GAS6: variants seen among roughly 807,000 people sequenced by gnomAD.
The protein encoded by GAS6 is growth arrest specific 6.
GAS6 carries 41 observed loss-of-function variants against 75.8 expected under a neutral mutation model. The ratio of observed to expected loss-of-function variants is 0.54; its 90% CI spans 0.42 to 0.70. The LOEUF (loss-of-function observed/expected upper bound fraction) is 0.70, where lower values mean the gene tolerates loss of function less well. Ranked by LOEUF, GAS6 falls within the 30% of genes least tolerant of loss-of-function variation. GAS6 has a pLI of 0.00. For synonymous variants in GAS6, 432 were observed against 412.6 expected, an observed-to-expected ratio of 1.05 and a Z score of -0.57; for missense variants, 854 against 940.2, an observed-to-expected ratio of 0.91 and a Z score of 1.20.
In GAS6 at chr13:113,822,106, G is replaced by A. The variant is rs34975371; in HGVS notation, c.1734C>T (p.Thr578=). 70,463 of 1,600,230 alleles carry A rather than the reference G, an allele frequency of 0.044. 1,928 individuals carry two copies. The highest frequency in any genetic ancestry group is 0.047 in the Non-Finnish European group (54,997 of 1,175,080). Residue 578 remains threonine, a synonymous_variant, in exon 14 of 15, where the codon ACC becomes ACT. Coordinates refer to ENST00000327773, the MANE Select transcript of GAS6 (RefSeq NM_000820.4). ...KVCDGQEHVV[T]VSLRDGEATL... ...TGGCCTCACCGTCCCTCAGCGAGAC[G>A]GTGACCACGTGCTCTTGGCCGTCGC...
In GAS6 at chr13:113,820,763, A is replaced by G. The variant is rs1023200133; in HGVS notation, c.*101T>C. ...TTACAGGCCGGGATGGTCACAGAGGAAAGCCCAGCTCTCAGCATGGCCCCA... is the reference window on the plus strand; with the variant it reads ...TTACAGGCCGGGATGGTCACAGAGGGAAGCCCAGCTCTCAGCATGGCCCCA... On this transcript the variant is annotated 3_prime_UTR_variant, in exon 15 of 15. Transcript: ENST00000327773. The G allele has an allele frequency of 2.3e-6, 3 of 1,318,548 alleles. No homozygotes were observed. Among genetic ancestry groups the G allele is most frequent in the East Asian group, 5.1e-5 (2 of 39,588 alleles). 81.7% of individuals were successfully genotyped at this position (1,318,548 alleles called of 1,614,324 possible).
chr13:113,847,812 C>T, intron 3 of GAS6: 1 of 602,566 alleles, frequency 1.7e-6, no homozygotes, highest in Non-Finnish European at 3.0e-6. Context: ...CAGCATTCAC[C>T]TGAGGTTCCA....
chr13:113,838,420 C>T (rs1024983254), intron 5 of GAS6, among the ~76,000 whole-genome samples: 3 of 145,702 alleles, frequency 2.1e-5, no homozygotes, highest in South Asian at 2.2e-4. Context: ...GAAGGGACCC[C>T]GGGGGTGCAC....
At chr13:113,852,705 C>T (rs1361919330) in intron 2 of GAS6, among the ~76,000 whole-genome samples, 1 of 152,206 alleles carries the variant, frequency 6.6e-6, no homozygotes, top group Non-Finnish European at 1.5e-5. Context: ...AGGTCTCCCC[C>T]GCTCAAAGCC....
chr13:113,846,370 TA>T (rs1400046300), intron 4 of GAS6, among the ~76,000 whole-genome samples, 156 bp downstream of exon 4: 1 of 152,212 alleles, frequency 6.6e-6, no homozygotes, highest in East Asian at 1.9e-4. Context: ...TTTACTTGTT[TA>T]AAAAAGAAAG....
chr13:113,822,431 C>A (rs2051473486), intron 13 of GAS6: 2 of 423,264 alleles, frequency 4.7e-6, no homozygotes, highest in African/African-American at 2.0e-5. Context: ...ACAAGTGTGG[C>A]CCCCAGGTTG....
At chr13:113,826,204 G>T (rs1237813705) in intron 12 of GAS6, among the ~76,000 whole-genome samples, 2 of 152,198 alleles carry the variant, frequency 1.3e-5, no homozygotes, top group Non-Finnish European at 2.9e-5. Flanking sequence ...TAGGTTCACT[G>T]TCCCCCAGGC....
At position 113,863,543 on chromosome 13, in the gene GAS6, G is replaced by T; in HGVS notation, c.255+32C>A. Reference sequence around the variant, plus strand: ...GGTTGGAGGCGCGCGGGCGCCAGGGGTTCCCCCGCATCCCGCCCGCCGGCT... The same window carrying T: ...GGTTGGAGGCGCGCGGGCGCCAGGGTTTCCCCCGCATCCCGCCCGCCGGCT... On this transcript the variant is annotated intron_variant, in intron 2 of 14. Transcript: ENST00000327773. The surrounding 1 kb of genome is among the most constrained non-coding windows in gnomAD (Gnocchi z 9.4). 2 of 1,492,862 alleles carry T rather than the reference G, an allele frequency of 1.3e-6. No individual in the cohort carries two copies. The highest frequency in any genetic ancestry group is 1.8e-6 in the Non-Finnish European group (2 of 1,126,946). 92.5% of individuals were successfully genotyped at this position (1,492,862 alleles called of 1,614,324 possible).
At chr13:113,859,232 CTGTG>C in intron 2 of GAS6, among the ~76,000 whole-genome samples, 1 of 145,994 alleles carries the variant, frequency 6.8e-6, no homozygotes, top group African/African-American at 2.6e-5. Context: ...GTGTACATGT[CTGTG>C]TGTGCCTATG....
chr13:113,838,534 G>A (rs1156986998), intron 5 of GAS6, among the ~76,000 whole-genome samples: 4 of 134,382 alleles, frequency 3.0e-5, no homozygotes, highest in Admixed American at 7.3e-5. Flanking sequence ...GAGCAGGGAG[G>A]GAGCCCGGGG....
rs368447635 is a variant in GAS6 at position 113,823,437 on chromosome 13, G to A, written c.1591C>T (p.Arg531Cys). Reference sequence around the variant, plus strand: ...AGTGCCACAGAGAGAGGCACGGCACGGAGGTCGGGGGCCCAGAGCGCAAAC... The same window carrying A: ...AGTGCCACAGAGAGAGGCACGGCACAGAGGTCGGGGGCCCAGAGCGCAAAC... ...VLFALWAPDL[R>C]AVPLSVALVD... Residue 531 changes from arginine to cysteine, a missense_variant, in exon 13 of 15, where the codon CGT (arginine) becomes TGT (cysteine). By Grantham distance (180) the Arg-to-Cys change is radical. Transcript: ENST00000327773. The A allele has an allele frequency of 4.8e-5, 78 of 1,612,672 alleles. No homozygotes were observed. Among genetic ancestry groups the A allele is most frequent in the South Asian group, 1.1e-4 (10 of 91,084 alleles).
At chr13:113,847,513 G>A (rs2051843601) in intron 3 of GAS6, among the ~76,000 whole-genome samples, 1 of 152,214 alleles carries the variant, frequency 6.6e-6, no homozygotes, top group Non-Finnish European at 1.5e-5. Context: ...TGTACAGTGG[G>A]GGTCTCCAGA....
Position 113,820,980 on chromosome 13 carries a change from G to T in GAS6, c.1921C>A (p.Arg641Ser). The T allele has an allele frequency of 6.2e-7, 1 of 1,612,692 alleles. No homozygotes were observed. The highest frequency in any genetic ancestry group is 8.5e-7 in the Non-Finnish European group (1 of 1,179,888). ...TTGACCTCCAGTGTCATGCAGCCGC[G>T]GTAGAACGCGGTGACTGGCGCTGAA... ...VTSAPVTAFY[R>S]GCMTLEVNRR... is the part of the protein sequence containing the mutation. The change falls in exon 15 of 15, where the codon CGC (arginine) becomes AGC (serine). Residue 641 changes from arginine (R) to serine (S), a missense_variant. Arg to Ser is a moderately radical substitution (Grantham distance 110, BLOSUM62 -1). Transcript: ENST00000327773.
chr13:113,825,011 G>A (rs944642528), intron 12 of GAS6, among the ~76,000 whole-genome samples: 4 of 152,040 alleles, frequency 2.6e-5, no homozygotes, highest in African/African-American at 9.7e-5. Flanking sequence ...CTAAGGTCGG[G>A]AGTTCGAGAC....
chr13:113,857,166 C>G (rs12583124), intron 2 of GAS6, among the ~76,000 whole-genome samples: 14,532 of 152,168 alleles, frequency 0.095, 918 homozygotes, highest in East Asian at 0.17. Context: ...AAAATTTCAC[C>G]TATAATTTGA....
Position 113,822,125 on chromosome 13 carries a change from C to T in GAS6, c.1715G>A (p.Gly572Asp), listed in dbSNP as rs751493237. 15 of 1,599,850 alleles carry T rather than the reference C, an allele frequency of 9.4e-6. No individual in the cohort carries two copies. In the East Asian group the frequency reaches 2.7e-4, roughly 29 times the overall value. Residue 572 changes from glycine (G) to aspartate (D), a missense_variant, in exon 14 of 15, where the codon GGC becomes GAC. Gly to Asp is a moderately conservative substitution (Grantham distance 94, BLOSUM62 -1). Transcript: ENST00000327773. ...LALMEIKVCD[G>D]QEHVVTVSLR... Reference sequence around the variant, plus strand: ...CGAGACGGTGACCACGTGCTCTTGGCCGTCGCAGACCTTGATCTCCATTAG... The same window carrying T: ...CGAGACGGTGACCACGTGCTCTTGGTCGTCGCAGACCTTGATCTCCATTAG...
chr13:113,835,424 G>A, intron 7 of GAS6, 89 bp downstream of exon 7: 1 of 1,486,868 alleles, frequency 6.7e-7, no homozygotes, highest in Non-Finnish European at 9.2e-7. Context: ...GAAGCACCCG[G>A]TTGTTAGCAA....
intron 12 of GAS6, among the ~76,000 whole-genome samples, chr13:113,824,163 T>C (rs112911559): frequency 0.012 from 613 of 52,348 alleles, 32 homozygotes; most frequent in African/African-American, 0.035. Flanking sequence ...GGAGCACGCG[T>C]GGTCTGGGGT....
chr13:113,823,130 CTGTGAGCCGAG>C, intron 13 of GAS6: 1 of 452,846 alleles, frequency 2.2e-6, no homozygotes, highest in Non-Finnish European at 3.9e-6. Flanking sequence ...AGCTCCCACA[CTGTGAGCCGAG>C]TGTGGCTCGC....
Sources: gnomAD v4.1 joint callset for allele counts (sites outside exome capture counted in the v4.1 genomes callset) on GRCh38, gnomAD v4.1.1 for gene constraint, Gnocchi (gnomAD v3.1) non-coding constraint, MANE v1.5 for transcripts, NCBI Gene and HGNC (gene_info 2026-07-23, HGNC 2026-07-21) for gene names.